The following PCDH9 variants were observed in gnomAD, a reference collection of about 807,000 sequenced individuals.
The protein encoded by PCDH9 is protocadherin 9, also known as protocadherin-9.
In PCDH9, 24 loss-of-function variants were observed where a neutral mutation model predicts 70.6. The ratio of observed to expected loss-of-function variants is 0.34; its 90% CI spans 0.25 to 0.48. The LOEUF (loss-of-function observed/expected upper bound fraction) is 0.48. Among genes scored for constraint, PCDH9 ranks in the 20% least tolerant of loss-of-function variants. The pLI is 0.99. For missense variants in PCDH9, 1,281 were observed against 1,503.6 expected (o/e 0.85, Z 2.45); for synonymous variants, 562 against 558.5 (o/e 1.01, Z -0.09).
At chr13:66,811,229 A>G (rs946740074) in intron 3 of PCDH9, among the ~76,000 whole-genome samples, 12 of 152,138 alleles carry the variant, frequency 7.9e-5, no homozygotes, top group African/African-American at 2.7e-4. Flanking sequence ...TCTTGTATTG[A>G]CCAAAGAGAA....
chr13:66,757,340 T>A (rs2079552826), intron 3 of PCDH9, among the ~76,000 whole-genome samples: 1 of 152,206 alleles, frequency 6.6e-6, no homozygotes, highest in South Asian at 2.1e-4. Flanking sequence ...ATTTCTTTGT[T>A]TCACTTTACT....
Position 66,903,485 on chromosome 13 carries a change from C to G in PCDH9, c.3138+19G>C. The G allele has an allele frequency of 9.7e-7, 1 of 1,034,126 alleles. No individual in the cohort carries two copies. 64.1% of individuals were successfully genotyped at this position (1,034,126 alleles called of 1,614,324 possible). A position where few individuals can be genotyped will look rare whatever the true frequency, so the allele number is the denominator to read the frequency against. On this transcript the variant is annotated intron_variant, in intron 3 of 4. Coordinates refer to ENST00000377865, the MANE Select transcript of PCDH9 (RefSeq NM_203487.3). ...AAATTTATCAGTACTAACATGTTCT[C>G]TATAGATATATGGCATACCTCGTAA...
intron 2 of PCDH9, chr13:67,222,777 A>G (rs1322670713): frequency 6.6e-6 from 1 of 152,180 alleles, no homozygotes; most frequent in East Asian, 1.9e-4. Flanking sequence ...AGCACATTTT[A>G]TATAAAAGCC....
At chr13:66,433,838 G>T (rs1016602013) in intron 4 of PCDH9, among the ~76,000 whole-genome samples, 12 of 151,668 alleles carry the variant, frequency 7.9e-5, no homozygotes, top group Non-Finnish European at 1.6e-4. Context: ...ACCATGTATT[G>T]TTCATATGAG....
intron 4 of PCDH9, among the ~76,000 whole-genome samples, chr13:66,325,946 A>G (rs560851344): frequency 8.5e-5 from 13 of 152,286 alleles, no homozygotes; most frequent in African/African-American, 2.6e-4. Context: ...CCTCCTATTC[A>G]GAAAACTGAC....
chr13:67,146,169 A>G (rs949557752), intron 2 of PCDH9, among the ~76,000 whole-genome samples: 3 of 152,158 alleles, frequency 2.0e-5, no homozygotes, highest in Admixed American at 2.0e-4. Context: ...CAGGAAATTC[A>G]TGCTAAACAG....
At chr13:66,595,968 T>C (rs2077097736) in intron 4 of PCDH9, among the ~76,000 whole-genome samples, 1 of 151,730 alleles carries the variant, frequency 6.6e-6, no homozygotes, top group African/African-American at 2.4e-5. Flanking sequence ...CATAGAATTG[T>C]ATATGAAATG....
chr13:66,943,354 A>G (rs897912266), intron 2 of PCDH9, among the ~76,000 whole-genome samples: 1 of 152,052 alleles, frequency 6.6e-6, no homozygotes. Context: ...TGTTTCAAGT[A>G]GGACAATGAA....
intron 2 of PCDH9, among the ~76,000 whole-genome samples, chr13:66,935,267 G>A (rs1210610302): frequency 6.6e-6 from 1 of 151,904 alleles, no homozygotes; most frequent in African/African-American, 2.4e-5. Flanking sequence ...TTTGGCCTAG[G>A]CAGGTCTTGA....
intron 2 of PCDH9, among the ~76,000 whole-genome samples, chr13:66,953,494 A>G (rs779129848): frequency 1.3e-5 from 2 of 152,116 alleles, no homozygotes; most frequent in Non-Finnish European, 2.9e-5. Context: ...GTACACATAA[A>G]CTTCCTACAA....
At chr13:66,791,011 C>T (rs1213673974) in intron 3 of PCDH9, among the ~76,000 whole-genome samples, 1 of 152,124 alleles carries the variant, frequency 6.6e-6, no homozygotes, top group Non-Finnish European at 1.5e-5. Context: ...TTTACCATTA[C>T]TATGCAAATT....
At chr13:66,533,693 G>A (rs1960567732) in intron 4 of PCDH9, among the ~76,000 whole-genome samples, 1 of 152,082 alleles carries the variant, frequency 6.6e-6, no homozygotes, top group Non-Finnish European at 1.5e-5. Flanking sequence ...CAAACAGTAT[G>A]TTGAGCTTGA....
chr13:67,222,512 T>A (rs1227580670), intron 2 of PCDH9: 1 of 152,076 alleles, frequency 6.6e-6, no homozygotes, highest in Non-Finnish European at 1.5e-5. Flanking sequence ...CACAAACAAA[T>A]TCATGATGAA....
intron 3 of PCDH9, among the ~76,000 whole-genome samples, chr13:66,836,080 G>C (rs2081012410): frequency 6.6e-6 from 1 of 152,114 alleles, no homozygotes; most frequent in Non-Finnish European, 1.5e-5. Flanking sequence ...GCTATACACA[G>C]AATAGATAGA....
intron 4 of PCDH9, among the ~76,000 whole-genome samples, chr13:66,605,952 G>A (rs1347459775): frequency 6.6e-6 from 1 of 152,090 alleles, no homozygotes; most frequent in Non-Finnish European, 1.5e-5. Flanking sequence ...CTCCTCAAGA[G>A]TCTACTAGAT....
Position 67,130,931 on chromosome 13 carries a change from G to A in PCDH9, c.3036+94474C>T, listed in dbSNP as rs146224283. 4.8e-3 allele frequency among the ~76,000 whole-genome samples: 724 copies of A among 152,022 alleles called. 8 individuals are homozygous for A. The highest frequency in any genetic ancestry group is 0.016 in the African/African-American group (659 of 41,456). On this transcript the variant is annotated intron_variant, in intron 2 of 4. Transcript: ENST00000377865. Reference sequence around the variant, plus strand: ...GTGTGTGTGTCTTTCTTTAACCTTCGCCTTCCCTTCAAATCCTAACAGGTG... The same window carrying A: ...GTGTGTGTGTCTTTCTTTAACCTTCACCTTCCCTTCAAATCCTAACAGGTG...
intron 3 of PCDH9, among the ~76,000 whole-genome samples, chr13:66,724,830 C>T: frequency 6.6e-6 from 1 of 152,148 alleles, no homozygotes; most frequent in Non-Finnish European, 1.5e-5. Flanking sequence ...ACTTCCCTAC[C>T]TGCCTTGAAG....
At chr13:66,982,090 T>C (rs2083784231) in intron 2 of PCDH9, among the ~76,000 whole-genome samples, 1 of 152,158 alleles carries the variant, frequency 6.6e-6, no homozygotes, top group South Asian at 2.1e-4. Context: ...TGAGATCTGC[T>C]CCTTTAAAGG....
intron 4 of PCDH9, among the ~76,000 whole-genome samples, chr13:66,324,581 A>G (rs1208193281): frequency 1.3e-5 from 2 of 152,018 alleles, no homozygotes; most frequent in East Asian, 3.8e-4. Context: ...AAATAAAACT[A>G]TATGTGCCAA....
Sources: allele counts gnomAD v4.1 joint callset (sites outside exome capture counted in the v4.1 genomes callset), GRCh38; gene constraint gnomAD v4.1.1; transcripts MANE v1.5; gene names NCBI Gene and HGNC (gene_info 2026-07-23, HGNC 2026-07-21).